The following TBC1D4 variants were observed in gnomAD, a reference collection of about 807,000 sequenced individuals.
TBC1D4 encodes the protein TBC1 domain family member 4, also known as TBC (Tre-2, BUB2, CDC16) domain-containing protein.
A neutral mutation model predicts 142.5 loss-of-function variants in TBC1D4; 121 were observed. The ratio of observed to expected loss-of-function variants is 0.85; its 90% CI spans 0.73 to 0.99. The LOEUF (loss-of-function observed/expected upper bound fraction) is 0.99. Ranked by LOEUF, TBC1D4 falls within the 50% of genes least tolerant of loss-of-function variation. The pLI is 0.00. For missense variants in TBC1D4, 1,475 were observed against 1,606.6 expected, an observed-to-expected ratio of 0.92 and a Z score of 1.40; for synonymous variants, 630 against 628.2, an observed-to-expected ratio of 1.00 and a Z score of -0.04.
At position 75,341,180 on chromosome 13, in the gene TBC1D4, C is replaced by T. The variant is rs1446913080; in HGVS notation, c.1556G>A (p.Arg519Lys). ...CTTCTGCTTGGCTTCACACAGCTGC[C>T]TCAGGTGTAAAATCACAAGTTCATT... Reference protein sequence around the residue: ...EENELVILHLRQLCEAKQKTH... With the variant: ...EENELVILHLKQLCEAKQKTH... Residue 519 changes from arginine to lysine, a missense_variant, in exon 7 of 21, where the codon AGG (arginine) becomes AAG (lysine). Around this residue, in one of 2 missense-constraint regions of TBC1D4, gnomAD observed 1,227 missense variants for 1,267.7 expected, o/e 0.97. Coordinates refer to ENST00000377636, the MANE Select transcript of TBC1D4 (RefSeq NM_014832.5). The T allele has an allele frequency of 6.2e-7, 1 of 1,613,632 alleles. No homozygotes were observed. The highest frequency in any genetic ancestry group is 1.1e-5 in the South Asian group (1 of 91,032).
At chr13:75,368,152 A>G (rs1461009912) in intron 1 of TBC1D4, among the ~76,000 whole-genome samples, 1 of 152,238 alleles carries the variant, frequency 6.6e-6, no homozygotes, top group East Asian at 1.9e-4. Context: ...TCTAGATTCA[A>G]AATAGAATAG....
At chr13:75,388,919 T>A (rs1179975728) in intron 1 of TBC1D4, among the ~76,000 whole-genome samples, 1 of 152,216 alleles carries the variant, frequency 6.6e-6, no homozygotes, top group Non-Finnish European at 1.5e-5. Flanking sequence ...ATACCAGCTC[T>A]CCAGTTTATT....
chr13:75,403,234 T>G (rs1436033960), intron 1 of TBC1D4, among the ~76,000 whole-genome samples: 2 of 149,390 alleles, frequency 1.3e-5, no homozygotes, highest in Non-Finnish European at 3.0e-5. Context: ...CAACATGACT[T>G]TCTTTATTTT....
At chr13:75,341,667 C>T (rs1237614056) in intron 5 of TBC1D4, 80 bp from the exon 6 acceptor site, 5 of 1,109,614 alleles carry the variant, frequency 4.5e-6, no homozygotes, top group South Asian at 3.8e-5. Context: ...TACACTTCAC[C>T]TCTTCCCAAG....
intron 1 of TBC1D4, among the ~76,000 whole-genome samples, chr13:75,383,611 T>C (rs1175630825): frequency 6.6e-6 from 1 of 152,168 alleles, no homozygotes; most frequent in Non-Finnish European, 1.5e-5. Context: ...TTTATTACAG[T>C]ATATTGTTAT....
intron 1 of TBC1D4, among the ~76,000 whole-genome samples, chr13:75,369,657 T>C (rs1450125684): frequency 1.3e-5 from 2 of 152,222 alleles, no homozygotes; most frequent in South Asian, 2.1e-4. Context: ...AAAGATATGA[T>C]ACCCCCTAGG....
intron 4 of TBC1D4, among the ~76,000 whole-genome samples, chr13:75,350,535 A>G (rs1331612696): frequency 6.6e-6 from 1 of 152,222 alleles, no homozygotes; most frequent in Non-Finnish European, 1.5e-5. Flanking sequence ...GCAAAAACTA[A>G]TAATTTCTAA....
chr13:75,309,253 T>A (rs1045820354), intron 14 of TBC1D4, among the ~76,000 whole-genome samples: 1 of 152,140 alleles, frequency 6.6e-6, no homozygotes, highest in Non-Finnish European at 1.5e-5. Context: ...ATTATATCAT[T>A]CTTTCAAAGG....
chr13:75,401,728 G>A (rs1485336451), intron 1 of TBC1D4, among the ~76,000 whole-genome samples: 1 of 152,058 alleles, frequency 6.6e-6, no homozygotes, highest in African/African-American at 2.4e-5. Flanking sequence ...TGTTCTTGTT[G>A]TTGTTAGCTA....
chr13:75,383,125 C>T (rs1883951275), intron 1 of TBC1D4, among the ~76,000 whole-genome samples: 1 of 152,170 alleles, frequency 6.6e-6, no homozygotes, highest in Admixed American at 6.5e-5. Context: ...AGTTTGAGAC[C>T]ACCCTGGCCA....
At position 75,292,302 on chromosome 13, in the gene TBC1D4, A is replaced by G. The variant is rs745582289; in HGVS notation, c.3317-31T>C. On this transcript the variant is annotated intron_variant, in intron 18 of 20. Transcript: ENST00000377636. ...AGAAGAGATATAATTTTCATGATCAAAACTATGCATCCACTCTTGTAAAAA... is the reference window on the plus strand; with the variant it reads ...AGAAGAGATATAATTTTCATGATCAGAACTATGCATCCACTCTTGTAAAAA... 5 of 1,568,576 alleles carry G rather than the reference A, an allele frequency of 3.2e-6. No individual in the cohort carries two copies. The Admixed American group carries it at 8.5e-5, about 27-fold the overall frequency.
chr13:75,476,876 G>A (rs761790129), intron 1 of TBC1D4, among the ~76,000 whole-genome samples: 22 of 152,170 alleles, frequency 1.4e-4, no homozygotes, highest in Non-Finnish European at 2.5e-4. Context: ...AAGCCCTCTA[G>A]GTAATTCTGA....
At chr13:75,378,803 G>A (rs1315034890) in intron 1 of TBC1D4, among the ~76,000 whole-genome samples, 7 of 152,228 alleles carry the variant, frequency 4.6e-5, no homozygotes, top group Non-Finnish European at 8.8e-5. Context: ...TGGCCATCAA[G>A]TGTTTGTTTC....
Position 75,362,162 on chromosome 13 carries a change from C to G in TBC1D4, c.944G>C (p.Arg315Pro). Residue 315 changes from arginine (R) to proline (P), a missense_variant, in exon 2 of 21, where the codon CGG (arginine) becomes CCG (proline). Coordinates refer to ENST00000377636, the MANE Select transcript of TBC1D4 (RefSeq NM_014832.5). The surrounding 1 kb of genome is among the most constrained non-coding windows in gnomAD (Gnocchi z 4.2). ...GFDEQQEFRS[R>P]CSSVTGVQRR... ...TTGCACGCCGGTGACACTGCTGCAC[C>G]GAGACCGAAACTCCTGCTGCTCATC... The G allele has an allele frequency of 2.5e-6, 4 of 1,613,514 alleles. No individual in the cohort carries two copies. Among genetic ancestry groups the G allele is most frequent in the Non-Finnish European group, 3.4e-6 (4 of 1,180,032 alleles).
intron 1 of TBC1D4, among the ~76,000 whole-genome samples, chr13:75,401,860 G>A (rs1885110145): frequency 1.3e-5 from 2 of 152,190 alleles, no homozygotes; most frequent in Non-Finnish European, 2.9e-5. Flanking sequence ...CTGGAGACTG[G>A]AACATTTGTC....
rs1425904525 is a variant in TBC1D4 at position 75,299,538 on chromosome 13, T to C, written c.2948A>G (p.Gln983Arg). ...CAGTGACAGCTGTCCTGGCCCAAGC[T>C]GTACTGAAAAGTAAGGGTGAGTAGG... ...TFPTHPYFSV[Q>R]LGPGQLSLFN... Residue 983 changes from glutamine (Q) to arginine (R), a missense_variant, in exon 17 of 21, where the codon CAG (glutamine) becomes CGG (arginine). Around this residue, in one of 2 missense-constraint regions of TBC1D4, gnomAD observed 1,227 missense variants for 1,267.7 expected, o/e 0.97. Coordinates refer to ENST00000377636, the MANE Select transcript of TBC1D4 (RefSeq NM_014832.5). 3.1e-6 allele frequency: 5 copies of C among 1,614,046 alleles called. No homozygotes were observed. The highest frequency in any genetic ancestry group is 4.2e-6 in the Non-Finnish European group (5 of 1,180,026).
intron 1 of TBC1D4, among the ~76,000 whole-genome samples, chr13:75,445,632 T>G (rs1234025558): frequency 6.6e-6 from 1 of 152,216 alleles, no homozygotes; most frequent in East Asian, 1.9e-4. Flanking sequence ...TCTAATTTGT[T>G]ATCTGTTACT....
chr13:75,416,555 G>A (rs1290423952), intron 1 of TBC1D4, among the ~76,000 whole-genome samples: 2 of 152,038 alleles, frequency 1.3e-5, no homozygotes, highest in Admixed American at 1.3e-4. Context: ...GACGACCCAG[G>A]CATACGGAAA....
intron 1 of TBC1D4, among the ~76,000 whole-genome samples, chr13:75,416,093 G>C (rs1280270286): frequency 6.6e-6 from 1 of 152,162 alleles, no homozygotes; most frequent in South Asian, 2.1e-4. Flanking sequence ...CCTCAATCTG[G>C]AAATCAAAAT....
Sources: gnomAD v4.1 joint callset for allele counts (sites outside exome capture counted in the v4.1 genomes callset) on GRCh38, gnomAD v4.1.1 for gene constraint, gnomAD v4.1.1 regional missense constraint, Gnocchi (gnomAD v3.1) non-coding constraint, MANE v1.5 for transcripts, NCBI Gene and HGNC (gene_info 2026-07-23, HGNC 2026-07-21) for gene names.